Variants in ROBO2 observed in about 807,000 individuals in gnomAD.
ROBO2 encodes the protein roundabout guidance receptor 2.
A neutral mutation model predicts 160.8 loss-of-function variants in ROBO2; 53 were observed. The observed-to-expected ratio is 0.33, with a 90% confidence interval of 0.26 to 0.41. The LOEUF (loss-of-function observed/expected upper bound fraction) is 0.41, where lower values mean the gene tolerates loss of function less well. ROBO2 is among the 10% of genes least tolerant of loss of function. The pLI is 1.00. For synonymous variants in ROBO2, 664 were observed against 611.7 expected, an observed-to-expected ratio of 1.09 and a Z score of -1.26; for missense variants, 1,577 against 1,722.4, an observed-to-expected ratio of 0.92 and a Z score of 1.49.
At chr3:76,096,088 C>T (rs1287802024) in intron 2 of ROBO2, among the ~76,000 whole-genome samples, 3 of 152,076 alleles carry the variant, frequency 2.0e-5, no homozygotes, top group South Asian at 4.2e-4. Context: ...TGACAGGCCT[C>T]GTAAGCAATA....
chr3:76,795,689 T>C (rs921828056), intron 2 of ROBO2, among the ~76,000 whole-genome samples: 55 of 152,264 alleles, frequency 3.6e-4, no homozygotes, highest in Non-Finnish European at 2.6e-4. Context: ...CCATGAGGTT[T>C]GGAATCAACT....
intron 2 of ROBO2, among the ~76,000 whole-genome samples, chr3:77,011,061 CT>C (rs771489013): frequency 0.14 from 18,607 of 132,472 alleles, 1,733 homozygotes; most frequent in African/African-American, 0.28. Flanking sequence ...TTTCTTCTTT[CT>C]TTCTTTCTTT....
intron 2 of ROBO2, among the ~76,000 whole-genome samples, chr3:76,273,296 G>T (rs1436835319): frequency 6.7e-6 from 1 of 150,366 alleles, no homozygotes; most frequent in African/African-American, 2.4e-5. Flanking sequence ...AGTTTTTCGA[G>T]GCAATTATGC....
chr3:76,600,814 C>T (rs560918573), intron 2 of ROBO2, among the ~76,000 whole-genome samples: 1 of 152,248 alleles, frequency 6.6e-6, no homozygotes, highest in Admixed American at 6.5e-5. Flanking sequence ...TGCCTTCCCA[C>T]CAGTCCCCCA....
chr3:76,712,351 T>G (rs115052860), intron 2 of ROBO2, among the ~76,000 whole-genome samples: 1,717 of 152,246 alleles, frequency 0.011, 38 homozygotes, highest in African/African-American at 0.039. Flanking sequence ...GCCCAGGACT[T>G]GATCCTATAT....
intron 23 of ROBO2, among the ~76,000 whole-genome samples, chr3:77,628,052 A>G (rs1397959188): frequency 6.6e-6 from 1 of 152,180 alleles, no homozygotes; most frequent in African/African-American, 2.4e-5. Flanking sequence ...GCAACAACTT[A>G]ATGTCCTATG....
rs567726645 is a variant in ROBO2 at position 75,941,035 on chromosome 3, C to T, written c.109+3433C>T. Among the ~76,000 whole-genome samples the T allele has an allele frequency of 2.0e-5, 3 of 152,294 alleles. No individual in the cohort carries two copies. The East Asian group carries it at 5.8e-4, about 29-fold the overall frequency. ...CAAACTCCTAGGTTCATATGGTCCTCTCATCTCAGCCTCCTGGTAGCTATG... is the reference window on the plus strand; with the variant it reads ...CAAACTCCTAGGTTCATATGGTCCTTTCATCTCAGCCTCCTGGTAGCTATG... On this transcript the variant is annotated intron_variant, in intron 2 of 26. Transcript: ENST00000487694.
At chr3:77,638,738 C>T (rs887228801) in intron 24 of ROBO2, among the ~76,000 whole-genome samples, 2 of 150,350 alleles carry the variant, frequency 1.3e-5, no homozygotes, top group Non-Finnish European at 2.9e-5. Flanking sequence ...TTAACCAATG[C>T]TAAAAAAGAT....
At chr3:76,554,819 G>A (rs896479488) in intron 2 of ROBO2, among the ~76,000 whole-genome samples, 4 of 151,988 alleles carry the variant, frequency 2.6e-5, no homozygotes, top group African/African-American at 9.7e-5. Flanking sequence ...AGGCTGCTCC[G>A]AATGGTTTAG....
chr3:75,954,368 C>T (rs542250563), intron 2 of ROBO2, among the ~76,000 whole-genome samples: 2 of 152,002 alleles, frequency 1.3e-5, no homozygotes, highest in South Asian at 4.1e-4. Context: ...ATGTCTGTAT[C>T]TTCATTATGT....
intron 9 of ROBO2, among the ~76,000 whole-genome samples, chr3:77,559,646 A>G (rs1442904319): frequency 1.3e-5 from 2 of 152,128 alleles, no homozygotes; most frequent in Non-Finnish European, 2.9e-5. Context: ...TTTCCAAATG[A>G]TCACAATTTG....
intron 2 of ROBO2, among the ~76,000 whole-genome samples, chr3:76,522,867 TC>T (rs988663328): frequency 1.3e-5 from 2 of 151,764 alleles, no homozygotes; most frequent in African/African-American, 2.4e-5. Flanking sequence ...AGAGGTCATA[TC>T]CCCCTCATTT....
chr3:77,583,878 C>T (rs1451269966), intron 16 of ROBO2, among the ~76,000 whole-genome samples: 1 of 152,106 alleles, frequency 6.6e-6, no homozygotes, highest in Non-Finnish European at 1.5e-5. Context: ...TAGTATGGGA[C>T]TTCTTATGTT....
intron 2 of ROBO2, among the ~76,000 whole-genome samples, chr3:76,893,666 A>C (rs2074536614): frequency 6.6e-6 from 1 of 152,112 alleles, no homozygotes; most frequent in African/African-American, 2.4e-5. Flanking sequence ...TCTATGTGTT[A>C]GGAACAATTC....
At chr3:77,180,880 G>A (rs2080715801) in intron 2 of ROBO2, among the ~76,000 whole-genome samples, 1 of 151,792 alleles carries the variant, frequency 6.6e-6, no homozygotes, top group African/African-American at 2.4e-5. Flanking sequence ...ATCCACAAAA[G>A]CACCCAGATT....
intron 2 of ROBO2, among the ~76,000 whole-genome samples, chr3:77,233,492 G>T (rs1218874254): frequency 1.3e-5 from 2 of 152,212 alleles, no homozygotes; most frequent in South Asian, 4.2e-4. Flanking sequence ...AGAAGAGAAG[G>T]CCTGCCCATC....
At chr3:76,256,346 TCTCTC>T (rs1424633352) in intron 2 of ROBO2, among the ~76,000 whole-genome samples, 6,144 of 81,566 alleles carry the variant, frequency 0.075, 226 homozygotes, top group Non-Finnish European at 0.12. Flanking sequence ...TCTCTCTCTC[TCTCTC>T]TCACATACAC....
At chr3:77,622,411 A>G in exon 23 of ROBO2, 2 of 1,614,144 alleles carry the variant, frequency 1.2e-6, no homozygotes, top group Non-Finnish European at 1.7e-6. Context: ...CAGCATGGAC[A>G]ATCTAGACAG....
chr3:76,781,243 T>C (rs2062625443), intron 2 of ROBO2, among the ~76,000 whole-genome samples: 1 of 150,708 alleles, frequency 6.6e-6, no homozygotes, highest in Non-Finnish European at 1.5e-5. Context: ...AAAATGCAAC[T>C]GAAACTCTAT....
Sources: gnomAD v4.1 joint callset for allele counts (sites outside exome capture counted in the v4.1 genomes callset) on GRCh38, gnomAD v4.1.1 for gene constraint, MANE v1.5 for transcripts, NCBI Gene and HGNC (gene_info 2026-07-23, HGNC 2026-07-21) for gene names.